SEMA5A: variants seen among roughly 807,000 people sequenced by gnomAD.
SEMA5A encodes semaphorin-5A.
A neutral mutation model predicts 135.5 loss-of-function variants in SEMA5A; 55 were observed. That is an observed-to-expected ratio of 0.41 (90% confidence interval 0.33 to 0.51). SEMA5A has a LOEUF of 0.51. SEMA5A is among the 20% of genes least tolerant of loss of function. The pLI is 0.37. For missense variants in SEMA5A, 1,290 were observed against 1,419.9 expected, an observed-to-expected ratio of 0.91 and a Z score of 1.47; for synonymous variants, 580 against 546.5, an observed-to-expected ratio of 1.06 and a Z score of -0.85.
rs1329772602 is a variant in SEMA5A at position 9,036,550 on chromosome 5, GA to G, written c.*6346del. 6.6e-6 allele frequency: 1 copy of G among 152,008 alleles called. No individual in the cohort carries two copies. The highest frequency in any genetic ancestry group is 2.4e-5 in the African/African-American group (1 of 41,356). The allele number at this position is 152,008 out of a possible 1,614,324, so 9.4% of individuals were successfully genotyped here. A position where few individuals can be genotyped will look rare whatever the true frequency, so the allele number is the denominator to read the frequency against. On this transcript the variant is annotated 3_prime_UTR_variant, in exon 23 of 23. Coordinates refer to ENST00000382496, the MANE Select transcript of SEMA5A (RefSeq NM_003966.3). ...ATTCTTATTACAGAACAATCACTAT[GA>G]TTTTTTTTGGAACATGTAAAAATTA...
chr5:9,081,257 A>G (rs912983557), intron 16 of SEMA5A, among the ~76,000 whole-genome samples: 1 of 152,152 alleles, frequency 6.6e-6, no homozygotes, highest in Non-Finnish European at 1.5e-5. Flanking sequence ...CCAACACCTC[A>G]ATTTCAGCCT....
intron 1 of SEMA5A, among the ~76,000 whole-genome samples, chr5:9,532,198 C>A (rs757830054): frequency 6.6e-6 from 1 of 152,164 alleles, no homozygotes; most frequent in Non-Finnish European, 1.5e-5. Flanking sequence ...ATATCCCCCC[C>A]ATCCTCTTAT....
chr5:9,222,797 A>G (rs1234277820), intron 8 of SEMA5A, among the ~76,000 whole-genome samples: 2 of 152,246 alleles, frequency 1.3e-5, no homozygotes, highest in Non-Finnish European at 2.9e-5. Flanking sequence ...GCTGACAACC[A>G]GGACGCTGAC....
chr5:9,221,606 G>A (rs536174926), intron 8 of SEMA5A, among the ~76,000 whole-genome samples: 21 of 151,972 alleles, frequency 1.4e-4, no homozygotes, highest in African/African-American at 3.6e-4. Flanking sequence ...CTGGCCCCCC[G>A]AACATTTTTC....
chr5:9,116,194 C>T (rs987884346), intron 15 of SEMA5A, among the ~76,000 whole-genome samples: 1 of 152,102 alleles, frequency 6.6e-6, no homozygotes, highest in African/African-American at 2.4e-5. Flanking sequence ...CTAGCTAAGC[C>T]ATATAGGAAT....
chr5:9,148,613 T>C (rs1742466405), intron 12 of SEMA5A, among the ~76,000 whole-genome samples: 1 of 152,174 alleles, frequency 6.6e-6, no homozygotes, highest in South Asian at 2.1e-4. Context: ...ATACCCGCAC[T>C]AGGATACAGC....
chr5:9,229,295 A>G (rs978991840), intron 6 of SEMA5A, among the ~76,000 whole-genome samples: 6 of 152,260 alleles, frequency 3.9e-5, no homozygotes, highest in African/African-American at 1.4e-4. Flanking sequence ...AAGGTACACC[A>G]GAGGTGGGAG....
At chr5:9,321,025 T>C (rs548020377) in intron 4 of SEMA5A, among the ~76,000 whole-genome samples, 2 of 152,226 alleles carry the variant, frequency 1.3e-5, no homozygotes, top group East Asian at 3.9e-4. Flanking sequence ...GGGAGGGGCC[T>C]AGTAGGAGGT....
chr5:9,111,896 T>C (rs888216252), intron 15 of SEMA5A, among the ~76,000 whole-genome samples: 2 of 152,144 alleles, frequency 1.3e-5, no homozygotes, highest in African/African-American at 4.8e-5. Context: ...TATGAAGCTA[T>C]ACAAAAAACA....
At chr5:9,304,613 C>A (rs1229103955) in intron 5 of SEMA5A, among the ~76,000 whole-genome samples, 2 of 152,124 alleles carry the variant, frequency 1.3e-5, no homozygotes, top group African/African-American at 2.4e-5. Context: ...GTATTTTTCT[C>A]CAAATTTGTA....
intron 15 of SEMA5A, among the ~76,000 whole-genome samples, chr5:9,110,960 G>A (rs1160594476): frequency 2.0e-5 from 3 of 152,148 alleles, no homozygotes; most frequent in African/African-American, 7.2e-5. Flanking sequence ...ACAAATTTGA[G>A]AATACAACAG....
At chr5:9,278,196 C>A (rs1424811724) in intron 5 of SEMA5A, among the ~76,000 whole-genome samples, 1 of 151,780 alleles carries the variant, frequency 6.6e-6, no homozygotes, top group Non-Finnish European at 1.5e-5. Context: ...GATGGCAACC[C>A]TTGCTATGCT....
intron 2 of SEMA5A, among the ~76,000 whole-genome samples, chr5:9,390,611 A>G (rs1406918887): frequency 6.6e-6 from 1 of 152,228 alleles, no homozygotes; most frequent in Non-Finnish European, 1.5e-5. Context: ...GAAACCTTTT[A>G]AATCCAATGG....
intron 1 of SEMA5A, among the ~76,000 whole-genome samples, chr5:9,535,128 G>T (rs1439854654): frequency 6.6e-6 from 1 of 152,198 alleles, no homozygotes; most frequent in African/African-American, 2.4e-5. Flanking sequence ...AATCCTTAAG[G>T]GCTTTCCTAT....
At chr5:9,145,435 A>G (rs191181043) in intron 12 of SEMA5A, among the ~76,000 whole-genome samples, 9 of 152,286 alleles carry the variant, frequency 5.9e-5, no homozygotes, top group Admixed American at 3.9e-4. Context: ...ATATGAGAAC[A>G]GTTATCTCCT....
chr5:9,128,845 T>C (rs912372599), intron 13 of SEMA5A, among the ~76,000 whole-genome samples: 7 of 152,124 alleles, frequency 4.6e-5, no homozygotes, highest in Non-Finnish European at 7.4e-5. Flanking sequence ...GGCTGGATAA[T>C]TTGCTGTAGG....
At chr5:9,124,070 C>T (rs551878378) in intron 13 of SEMA5A, among the ~76,000 whole-genome samples, 4 of 152,200 alleles carry the variant, frequency 2.6e-5, no homozygotes, top group South Asian at 2.1e-4. Context: ...ATGGGCATTC[C>T]CCATCAGTGT....
intron 4 of SEMA5A, among the ~76,000 whole-genome samples, chr5:9,325,264 T>C (rs1358201996): frequency 2.0e-5 from 3 of 151,746 alleles, no homozygotes; most frequent in Non-Finnish European, 4.4e-5. Flanking sequence ...TCAAATGCCA[T>C]GGAATAAAAT....
rs1746065492 is a variant in SEMA5A at position 9,207,102 on chromosome 5, G to GTATATATATATATACATATA, written c.647-4863_647-4862insTATATGTATATATATATATA. On this transcript the variant is annotated intron_variant, in intron 8 of 22. Transcript: ENST00000382496. ...ACATAATGATAATGAATGATCAAGTGTATATATATATATATATATATATAT... is the reference window on the plus strand; with the variant it reads ...ACATAATGATAATGAATGATCAAGTGTATATATATATATACATATATATATATATATATATATATATATAT... 3.1e-5 allele frequency among the ~76,000 whole-genome samples: 3 copies of GTATATATATATATACATATA among 97,698 alleles called. No homozygotes were observed. The Admixed American group carries it at 3.3e-4, about 11-fold the overall frequency. The allele number at this position is 97,698 out of a possible 152,430, so 64.1% of individuals were successfully genotyped here. A position where few individuals can be genotyped will look rare whatever the true frequency, so the allele number is the denominator to read the frequency against.
Sources: allele counts gnomAD v4.1 joint callset (sites outside exome capture counted in the v4.1 genomes callset), GRCh38; gene constraint gnomAD v4.1.1; transcripts MANE v1.5; gene names NCBI Gene and HGNC (gene_info 2026-07-23, HGNC 2026-07-21).